The following LRRC4C variants were observed in gnomAD, a reference collection of about 807,000 sequenced individuals.
The protein encoded by LRRC4C is leucine-rich repeat-containing protein 4C.
A neutral mutation model predicts 33.6 loss-of-function variants in LRRC4C; 5 were observed. That is an observed-to-expected ratio of 0.15 (90% CI 0.08 to 0.31). The LOEUF (loss-of-function observed/expected upper bound fraction) is 0.31. Among genes scored for constraint, LRRC4C ranks in the 10% least tolerant of loss-of-function variants. The pLI is 1.00. For missense variants in LRRC4C, 560 were observed against 796.7 expected, an observed-to-expected ratio of 0.70 and a Z score of 3.58; for synonymous variants, 329 against 302.0, an observed-to-expected ratio of 1.09 and a Z score of -0.93.
intron 1 of LRRC4C, among the ~76,000 whole-genome samples, chr11:41,190,839 C>T (rs761662692): frequency 6.6e-6 from 1 of 152,244 alleles, no homozygotes; most frequent in Non-Finnish European, 1.5e-5. Flanking sequence ...TCATTTAGCA[C>T]CAAGCCACTT....
At chr11:41,231,951 C>T (rs944011452) in intron 1 of LRRC4C, among the ~76,000 whole-genome samples, 4 of 151,746 alleles carry the variant, frequency 2.6e-5, no homozygotes, top group African/African-American at 7.3e-5. Flanking sequence ...AACTGATTCT[C>T]GGTAATTGAG....
intron 1 of LRRC4C, among the ~76,000 whole-genome samples, chr11:41,142,787 G>A (rs953696816): frequency 6.6e-6 from 1 of 151,756 alleles, no homozygotes; most frequent in African/African-American, 2.4e-5. Context: ...GAGAACTGAA[G>A]TTGTTTTTGT....
intron 3 of LRRC4C, among the ~76,000 whole-genome samples, chr11:40,559,224 A>T (rs1957452948): frequency 7.8e-6 from 1 of 127,808 alleles, no homozygotes. Context: ...TCACTCTGCC[A>T]CCCAGGTTGG....
In LRRC4C at chr11:40,457,524, C is replaced by T. The variant is rs181084316; in HGVS notation, c.-269-137803G>A. On this transcript the variant is annotated intron_variant, in intron 3 of 6. Coordinates refer to ENST00000528697, the MANE Select transcript of LRRC4C (RefSeq NM_001258419.2). ...ACACACAAATGGCTTTTGTGCATTT[C>T]GCAGTTCCATTTTTCCAATCAAACT... Among the ~76,000 whole-genome samples, 64 of 152,226 alleles carry T rather than the reference C, an allele frequency of 4.2e-4. 2 individuals are homozygous for T. The highest frequency in any genetic ancestry group is 1.3e-3 in the African/African-American group (55 of 41,560).
intron 5 of LRRC4C, among the ~76,000 whole-genome samples, chr11:40,156,321 C>T (rs912637268): frequency 6.6e-6 from 1 of 152,126 alleles, no homozygotes; most frequent in Admixed American, 6.6e-5. Flanking sequence ...CACTCCTCTT[C>T]AACATAGTAC....
At chr11:40,245,785 T>C (rs1866282040) in intron 4 of LRRC4C, among the ~76,000 whole-genome samples, 1 of 152,076 alleles carries the variant, frequency 6.6e-6, no homozygotes, top group African/African-American at 2.4e-5. Context: ...TAGTATTAAA[T>C]AAAATGCTAC....
In LRRC4C at chr11:40,650,104, CA is replaced by C. The variant is rs950782893; in HGVS notation, c.-406-1827del. On this transcript the variant is annotated intron_variant, in intron 2 of 6. Transcript: ENST00000528697. ...TTGGCACTAGGCTAATGAAGAATTC[CA>C]AAAAAAATAGATAATGAATTTCCTG... 2.7e-4 allele frequency among the ~76,000 whole-genome samples: 41 copies of C among 150,982 alleles called. 1 individual carries two copies. The highest frequency in any genetic ancestry group is 1.0e-4 in the Non-Finnish European group (7 of 67,722).
chr11:41,217,651 T>C (rs1947117605), intron 1 of LRRC4C, among the ~76,000 whole-genome samples: 1 of 152,116 alleles, frequency 6.6e-6, no homozygotes, highest in African/African-American at 2.4e-5. Context: ...GTGCCAAAAA[T>C]TGGAATGAAC....
chr11:40,178,510 G>A (rs1052367656), intron 5 of LRRC4C, among the ~76,000 whole-genome samples: 4 of 152,042 alleles, frequency 2.6e-5, no homozygotes, highest in African/African-American at 9.7e-5. Context: ...AATACATCTG[G>A]GATTAATTAT....
chr11:41,388,347 G>C (rs982649508), intron 1 of LRRC4C, among the ~76,000 whole-genome samples: 1 of 151,810 alleles, frequency 6.6e-6, no homozygotes, highest in Non-Finnish European at 1.5e-5. Context: ...ATATCCACTA[G>C]AGCTGTATAA....
At position 40,308,500 on chromosome 11, in the gene LRRC4C, A is replaced by C. The variant is rs149598701; in HGVS notation, c.-176+11128T>G. The stretch of plus-strand genomic sequence containing the variant: ...ACCTTGCAGGTATGATTAAGTCACA[A>C]ATTTTGAAATGGGAGATTATCCTGG... On this transcript the variant is annotated intron_variant, in intron 4 of 6. Transcript: ENST00000528697. Among the ~76,000 whole-genome samples the C allele has an allele frequency of 2.0e-4, 30 of 152,304 alleles. No individual in the cohort carries two copies. In the East Asian group the frequency reaches 5.0e-3, roughly 26 times the overall value.
At chr11:40,988,303 G>T (rs1853220693) in intron 1 of LRRC4C, among the ~76,000 whole-genome samples, 1 of 152,150 alleles carries the variant, frequency 6.6e-6, no homozygotes, top group South Asian at 2.1e-4. Flanking sequence ...ATAAAGGTTA[G>T]TTGCAAAGGG....
rs192654598 is a variant in LRRC4C at position 40,709,264 on chromosome 11, T to G, written c.-406-60986A>C. Among the ~76,000 whole-genome samples, 39 of 152,324 alleles carry G rather than the reference T, an allele frequency of 2.6e-4. No homozygotes were observed. The East Asian group carries it at 7.5e-3, about 29-fold the overall frequency. On this transcript the variant is annotated intron_variant, in intron 2 of 6. Coordinates refer to ENST00000528697, the MANE Select transcript of LRRC4C (RefSeq NM_001258419.2). The stretch of plus-strand genomic sequence containing the variant: ...CCGTCATTATGATGTTAGCTGGTTA[T>G]TTTGCCTGTTAGTTGATGCAGTTTC...
chr11:40,297,256 T>G (rs989346354), intron 4 of LRRC4C, among the ~76,000 whole-genome samples: 2 of 152,254 alleles, frequency 1.3e-5, no homozygotes, highest in African/African-American at 4.8e-5. Context: ...GTCTTTATGC[T>G]GTGTTATAAA....
At chr11:40,891,193 C>T (rs780704532) in intron 2 of LRRC4C, among the ~76,000 whole-genome samples, 1 of 151,982 alleles carries the variant, frequency 6.6e-6, no homozygotes, top group African/African-American at 2.4e-5. Flanking sequence ...GCTGAGATCG[C>T]GCCCCTGCAC....
chr11:40,264,756 C>T (rs1350560615), intron 4 of LRRC4C, among the ~76,000 whole-genome samples: 1 of 152,176 alleles, frequency 6.6e-6, no homozygotes, highest in Non-Finnish European at 1.5e-5. Context: ...AGAGCCTGTT[C>T]TCATTCTGAA....
chr11:41,284,296 G>A (rs573107754), intron 1 of LRRC4C, among the ~76,000 whole-genome samples: 14 of 152,266 alleles, frequency 9.2e-5, no homozygotes, highest in South Asian at 4.1e-4. Context: ...GTGAAAGTGC[G>A]TTTTACATAG....
At chr11:40,444,106 G>A (rs763341549) in intron 3 of LRRC4C, among the ~76,000 whole-genome samples, 59 of 152,180 alleles carry the variant, frequency 3.9e-4, no homozygotes, top group Middle Eastern at 6.8e-3. Context: ...TGAGTGTGCC[G>A]TGCAGTGTTG....
At chr11:41,306,603 A>G (rs1591221290) in intron 1 of LRRC4C, among the ~76,000 whole-genome samples, 1 of 152,174 alleles carries the variant, frequency 6.6e-6, no homozygotes, top group South Asian at 2.1e-4. Flanking sequence ...ACTCATGGAG[A>G]ATGCATGCTA....
Sources: gnomAD v4.1 joint callset for allele counts (sites outside exome capture counted in the v4.1 genomes callset) on GRCh38, gnomAD v4.1.1 for gene constraint, MANE v1.5 for transcripts, NCBI Gene and HGNC (gene_info 2026-07-23, HGNC 2026-07-21) for gene names.